The following ABCA4 variants were observed in gnomAD, a reference collection of about 807,000 sequenced individuals.
The protein encoded by ABCA4 is retinal-specific phospholipid-transporting ATPase ABCA4.
ABCA4 carries 196 observed loss-of-function variants against 263.7 expected under a neutral mutation model. That is an observed-to-expected ratio of 0.74 (90% CI 0.66 to 0.84). The LOEUF is 0.84. Ranked by LOEUF, ABCA4 falls within the 40% of genes least tolerant of loss-of-function variation. ABCA4 has a pLI of 0.00. For synonymous variants in ABCA4, 1,133 were observed against 1,094.2 expected (o/e 1.04, Z -0.70); for missense variants, 2,792 against 2,855.1 (o/e 0.98, Z 0.50).
At chr1:94,031,149 T>A in intron 27 of ABCA4, 29 bp from the exon 28 acceptor site, 7 of 1,613,590 alleles carry the variant, frequency 4.3e-6, no homozygotes, top group Non-Finnish European at 5.1e-6. Context: ...GGAATAAACA[T>A]GACTGTGGCA....
In ABCA4 at chr1:94,048,948, G is replaced by C. The variant is rs753715991; in HGVS notation, c.2663C>G (p.Thr888Ser). 2 of 1,613,936 alleles carry C rather than the reference G, an allele frequency of 1.2e-6. No individual in the cohort carries two copies. Among genetic ancestry groups the C allele is most frequent in the Non-Finnish European group, 1.7e-6 (2 of 1,179,980 alleles). Residue 888 changes from threonine (T) to serine (S), a missense_variant, in exon 18 of 50, where the codon ACC (threonine) becomes AGC (serine). Transcript: ENST00000370225. ...CTTTTCCAGGGCTCTTTCTTCTCTG[G>C]TTGAACACCCTGCACCAATCAGAAG... Reference protein sequence around the residue: ...SYWLGGEGCSTREERALEKTE... With the variant: ...SYWLGGEGCSSREERALEKTE...
intron 36 of ABCA4, among the ~76,000 whole-genome samples, chr1:94,017,751 TAAATG>T (rs1659779099): frequency 6.6e-6 from 1 of 151,852 alleles, no homozygotes; most frequent in Admixed American, 6.6e-5. Flanking sequence ...AAGAGAGAAA[TAAATG>T]AGAAGGGGCA....
At chr1:94,117,163 G>T (rs1425812217) in intron 1 of ABCA4, among the ~76,000 whole-genome samples, 15 of 151,494 alleles carry the variant, frequency 9.9e-5, no homozygotes, top group Non-Finnish European at 2.2e-4. Flanking sequence ...GGGCACAGTT[G>T]TGCTTGTTGT....
Position 94,014,660 on chromosome 1 carries a change from T to C in ABCA4, c.5343A>G (p.Ala1781=), listed in dbSNP as rs1339545704. The C allele has an allele frequency of 6.2e-7, 1 of 1,614,216 alleles. No individual in the cohort carries two copies. The highest frequency in any genetic ancestry group is 2.2e-5 in the East Asian group (1 of 44,888). The change falls in exon 38 of 50, where the codon GCA becomes GCG. Residue 1781 remains alanine, a synonymous_variant. Transcript: ENST00000370225. ...GWAVIPMMYP[A]SFLFDVPSTA... is the part of the protein sequence containing the mutation. ...TGCTGGGGACATCAAACAGGAAGGA[T>C]GCTGGGTACATCATGGGAATGACCG...
chr1:94,113,923 T>C (rs1003579945), intron 1 of ABCA4, among the ~76,000 whole-genome samples: 4 of 152,066 alleles, frequency 2.6e-5, no homozygotes, highest in African/African-American at 4.8e-5. Flanking sequence ...GCATTGCACA[T>C]AGGGGTGGGG....
intron 8 of ABCA4, among the ~76,000 whole-genome samples, chr1:94,079,993 C>A (rs1299763823): frequency 4.0e-5 from 6 of 148,368 alleles, no homozygotes; most frequent in Non-Finnish European, 6.0e-5. Flanking sequence ...CATAGAAGAC[C>A]AAAAAAAAAA....
chr1:93,998,365 C>T (rs1429413753), intron 47 of ABCA4, among the ~76,000 whole-genome samples: 1 of 152,128 alleles, frequency 6.6e-6, no homozygotes, highest in East Asian at 1.9e-4. Flanking sequence ...CCTGTGGTCC[C>T]AGCTACTTGG....
intron 22 of ABCA4, among the ~76,000 whole-genome samples, chr1:94,042,098 C>CAAAAAAAAAAAA (rs11334956): frequency 3.0e-4 from 24 of 81,194 alleles, no homozygotes; most frequent in Non-Finnish European, 3.7e-4. Flanking sequence ...GATTCTGTCT[C>CAAAAAAAAAAAA]AAAAAAAAAA....
Position 94,001,090 on chromosome 1 carries a change from C to A in ABCA4, c.6298G>T (p.Gly2100Trp). The change falls in exon 46 of 50, where the codon GGG becomes TGG. Residue 2100 changes from glycine (G) to tryptophan (W), a missense_variant. Coordinates refer to ENST00000370225, the MANE Select transcript of ABCA4 (RefSeq NM_000350.3). ...ATGCGGCGTGCCTGGGGGTCCATCC[C>A]TGTGGTGGGCTCATCCTGGGGGGTG... ...PLVLLDEPTTGMDPQARRMLW... is the reference protein window; with the variant it reads ...PLVLLDEPTTWMDPQARRMLW... The A allele has an allele frequency of 6.2e-7, 1 of 1,613,976 alleles. No individual in the cohort carries two copies. Among genetic ancestry groups the A allele is most frequent in the Non-Finnish European group, 8.5e-7 (1 of 1,180,002 alleles).
intron 4 of ABCA4, among the ~76,000 whole-genome samples, chr1:94,107,927 C>T (rs181754978): frequency 8.5e-5 from 13 of 152,156 alleles, no homozygotes; most frequent in Non-Finnish European, 1.3e-4. Flanking sequence ...AGTCCATTTC[C>T]GTGCTCATCT....
At chr1:94,054,981 T>A (rs1660933239) in intron 16 of ABCA4, 130 bp downstream of exon 16, 1 of 1,002,186 alleles carries the variant, frequency 1.0e-6, no homozygotes, top group Non-Finnish European at 1.5e-6. Context: ...ATTTTTAACT[T>A]CTAGATTTAA....
At chr1:93,993,273 A>T in intron 49 of ABCA4, 31 bp from the exon 50 acceptor site, 1 of 1,613,790 alleles carries the variant, frequency 6.2e-7, no homozygotes, top group Non-Finnish European at 8.5e-7. Flanking sequence ...GACTCGCGTC[A>T]TCTTGGTTTT....
At chr1:94,099,865 A>G (rs1004542958) in intron 5 of ABCA4, among the ~76,000 whole-genome samples, 2 of 152,136 alleles carry the variant, frequency 1.3e-5, no homozygotes, top group Admixed American at 1.3e-4. Context: ...TAGCTCAAGG[A>G]TAGTGGTTCT....
chr1:94,005,015 G>T (rs113965124), intron 44 of ABCA4, among the ~76,000 whole-genome samples: 1 of 152,076 alleles, frequency 6.6e-6, no homozygotes, highest in African/African-American at 2.4e-5. Flanking sequence ...TTATAGTTGC[G>T]TAAGACTTTA....
At chr1:94,067,627 T>A (rs1661305386) in intron 11 of ABCA4, among the ~76,000 whole-genome samples, 4 of 152,268 alleles carry the variant, frequency 2.6e-5, no homozygotes. Flanking sequence ...GTGTGGCTTC[T>A]GTTTCCCTAC....
At chr1:94,000,190 ACT>A (rs761546951) in intron 47 of ABCA4, among the ~76,000 whole-genome samples, 14 of 152,110 alleles carry the variant, frequency 9.2e-5, no homozygotes, top group Non-Finnish European at 1.9e-4. Flanking sequence ...AGTAATTGTA[ACT>A]CTGCTCTTTT....
intron 13 of ABCA4, 54 bp downstream of exon 13, chr1:94,062,523 C>G: frequency 6.3e-7 from 1 of 1,587,954 alleles, no homozygotes; most frequent in Non-Finnish European, 8.6e-7. Flanking sequence ...CCCCAGCCCA[C>G]TCCAGCACCC....
chr1:94,005,794 C>A (rs1659362934), intron 43 of ABCA4, among the ~76,000 whole-genome samples: 1 of 152,190 alleles, frequency 6.6e-6, no homozygotes, highest in Non-Finnish European at 1.5e-5. Flanking sequence ...GTTTCCATGT[C>A]TAGGATTAAT....
In ABCA4 at chr1:94,060,525, C is replaced by T. The variant is rs781559623; in HGVS notation, c.2160+12G>A. The T allele has an allele frequency of 6.2e-6, 10 of 1,612,102 alleles. 1 individual carries two copies. The South Asian group carries it at 1.1e-4, about 18-fold the overall frequency. The stretch of plus-strand genomic sequence containing the variant: ...TATTCAAGATTTTCTGGGCCTTCTC[C>T]ATTTGGCTTACCATGATGAATATCG... On this transcript the variant is annotated intron_variant, in intron 14 of 49. Coordinates refer to ENST00000370225, the MANE Select transcript of ABCA4 (RefSeq NM_000350.3).
Sources: allele counts gnomAD v4.1 joint callset (sites outside exome capture counted in the v4.1 genomes callset), GRCh38; gene constraint gnomAD v4.1.1; transcripts MANE v1.5; gene names NCBI Gene and HGNC (gene_info 2026-07-23, HGNC 2026-07-21).